CSTPP1: variants seen among roughly 807,000 people sequenced by gnomAD.
CSTPP1 encodes the protein UPF0705 protein C11orf49.
the CSTPP1 span, among the ~76,000 whole-genome samples, chr11:47,004,193 T>G: frequency 7.3e-5 from 11 of 151,694 alleles, no homozygotes; most frequent in African/African-American, 2.7e-4. Context: ...TTTGTTTTTT[T>G]TTTTTGAGAT....
the CSTPP1 span, among the ~76,000 whole-genome samples, chr11:46,998,707 T>G: frequency 1.3e-5 from 2 of 152,146 alleles, no homozygotes; most frequent in Non-Finnish European, 2.9e-5. Flanking sequence ...GTGAAAATCC[T>G]TCACTTTCAG....
At chr11:46,953,138 A>C in the CSTPP1 span, among the ~76,000 whole-genome samples, 2 of 152,228 alleles carry the variant, frequency 1.3e-5, no homozygotes, top group African/African-American at 4.8e-5. Context: ...ACGGGCTGCA[A>C]GGCAGGTTGT....
chr11:47,058,050 C>G, the CSTPP1 span, among the ~76,000 whole-genome samples: 55 of 152,202 alleles, frequency 3.6e-4, no homozygotes, highest in Non-Finnish European at 5.9e-4. Flanking sequence ...AATTACCAGA[C>G]AGGCCAGGCA....
At chr11:47,163,325 G>A in the CSTPP1 span, among the ~76,000 whole-genome samples, 1 of 152,176 alleles carries the variant, frequency 6.6e-6, no homozygotes, top group African/African-American at 2.4e-5. Context: ...GCTCCAGAGA[G>A]TCTAACTCTA....
the CSTPP1 span, among the ~76,000 whole-genome samples, chr11:46,973,776 G>GTGTC: frequency 1.2e-5 from 1 of 82,492 alleles, no homozygotes; most frequent in East Asian, 2.1e-4. Context: ...ATACTGGAGG[G>GTGTC]TGTATGTGTG....
chr11:46,965,057 C>G, the CSTPP1 span, among the ~76,000 whole-genome samples: 1 of 152,132 alleles, frequency 6.6e-6, no homozygotes, highest in East Asian at 1.9e-4. Flanking sequence ...GGGTCGATTT[C>G]TATGTTTATT....
chr11:47,107,093 C>T, the CSTPP1 span, among the ~76,000 whole-genome samples: 1 of 152,160 alleles, frequency 6.6e-6, no homozygotes, highest in Admixed American at 6.5e-5. Flanking sequence ...AGGGGCTGAG[C>T]TGTGTAGTGG....
chr11:47,073,424 T>A, the CSTPP1 span, among the ~76,000 whole-genome samples: 1 of 152,202 alleles, frequency 6.6e-6, no homozygotes, highest in South Asian at 2.1e-4. Flanking sequence ...CTGGGTGCAG[T>A]GACTCATGCC....
At chr11:47,105,075 T>C in the CSTPP1 span, among the ~76,000 whole-genome samples, 1 of 152,072 alleles carries the variant, frequency 6.6e-6, no homozygotes, top group African/African-American at 2.4e-5. Context: ...TTGTTTCCAG[T>C]GTAGTGAAGG....
the CSTPP1 span, among the ~76,000 whole-genome samples, chr11:46,963,254 T>G: frequency 5.3e-5 from 8 of 151,554 alleles, no homozygotes; most frequent in South Asian, 2.1e-4. Flanking sequence ...ACTGGGGGAG[T>G]TTTGTAGATA....
chr11:47,137,400 T>A, the CSTPP1 span: 3 of 1,502,890 alleles, frequency 2.0e-6, no homozygotes, highest in South Asian at 3.6e-5. Flanking sequence ...CCAATTTTCA[T>A]ACCAGTGAAG....
chr11:46,993,297 C>T, the CSTPP1 span, among the ~76,000 whole-genome samples: 7 of 150,788 alleles, frequency 4.6e-5, no homozygotes, highest in Admixed American at 2.0e-4. Flanking sequence ...GTGTTTTAGA[C>T]GTGAAGAAGT....
At chr11:47,033,899 T>C in the CSTPP1 span, among the ~76,000 whole-genome samples, 1 of 152,142 alleles carries the variant, frequency 6.6e-6, no homozygotes, top group Non-Finnish European at 1.5e-5. Flanking sequence ...ACCATTTTGA[T>C]ACCTTTGGTG....
the CSTPP1 span, among the ~76,000 whole-genome samples, chr11:47,073,287 G>C: frequency 7.9e-5 from 12 of 152,348 alleles, no homozygotes; most frequent in African/African-American, 2.9e-4. Context: ...AAGACAACTA[G>C]GGAGTGGGAT....
the CSTPP1 span, among the ~76,000 whole-genome samples, chr11:47,151,831 C>A: frequency 6.6e-6 from 1 of 151,926 alleles, no homozygotes; most frequent in Non-Finnish European, 1.5e-5. Flanking sequence ...TTCACTCGCC[C>A]CCTACTCCCT....
At chr11:47,027,885 G>A in the CSTPP1 span, among the ~76,000 whole-genome samples, 2 of 151,318 alleles carry the variant, frequency 1.3e-5, no homozygotes, top group Non-Finnish European at 2.9e-5. Flanking sequence ...GATTGTTAGT[G>A]CTCACTTGCA....
the CSTPP1 span, among the ~76,000 whole-genome samples, chr11:47,116,971 G>A: frequency 1.6e-4 from 25 of 152,196 alleles, no homozygotes; most frequent in Non-Finnish European, 2.4e-4. Flanking sequence ...GTGAGCCACC[G>A]CACCTGGCCT....
At chr11:46,945,017 T>C in the CSTPP1 span, among the ~76,000 whole-genome samples, 1 of 152,224 alleles carries the variant, frequency 6.6e-6, no homozygotes, top group South Asian at 2.1e-4. Flanking sequence ...TTACTAATCT[T>C]AATTTTTTTT....
the CSTPP1 span, among the ~76,000 whole-genome samples, chr11:47,051,440 T>G: frequency 6.6e-6 from 1 of 152,178 alleles, no homozygotes; most frequent in Non-Finnish European, 1.5e-5. Context: ...AATGACTCAC[T>G]TGGGCCCTGG....
Sources: allele counts gnomAD v4.1 joint callset (sites outside exome capture counted in the v4.1 genomes callset), GRCh38; gene constraint gnomAD v4.1.1; transcripts MANE v1.5; gene names NCBI Gene and HGNC (gene_info 2026-07-23, HGNC 2026-07-21).